Variants in TAF15 observed in about 807,000 individuals in gnomAD.
The protein encoded by TAF15 is TATA-box binding protein associated factor 15, also known as TATA-binding protein-associated factor 2N.
In TAF15, 37 loss-of-function variants were observed where a neutral mutation model predicts 102.5. The observed-to-expected ratio is 0.36, with a 90% CI of 0.28 to 0.47. The LOEUF (loss-of-function observed/expected upper bound fraction) is 0.47. TAF15 is among the 20% of genes least tolerant of loss of function. TAF15 has a pLI of 0.99. For missense variants in TAF15, 652 were observed against 760.7 expected (o/e 0.86, Z 1.68); for synonymous variants, 273 against 259.2 (o/e 1.05, Z -0.51).
chr17:35,839,273 C>A (rs2087512099), intron 11 of TAF15, among the ~76,000 whole-genome samples: 1 of 148,102 alleles, frequency 6.8e-6, no homozygotes, highest in South Asian at 2.1e-4. Flanking sequence ...AGAGCGAGAA[C>A]CTGTCTCCAA....
chr17:35,821,160 T>C (rs1259545912), intron 5 of TAF15, among the ~76,000 whole-genome samples: 1 of 152,200 alleles, frequency 6.6e-6, no homozygotes, highest in Non-Finnish European at 1.5e-5. Context: ...AGTGTTTTCT[T>C]TCTACAGTGA....
At chr17:35,842,055 C>G (rs1401640280) in intron 11 of TAF15, among the ~76,000 whole-genome samples, 1 of 152,164 alleles carries the variant, frequency 6.6e-6, no homozygotes, top group Admixed American at 6.5e-5. Flanking sequence ...CTCCTGGACT[C>G]AAGTGATCTC....
At position 35,836,136 on chromosome 17, in the gene TAF15, A is replaced by G. The variant is rs112635972; in HGVS notation, c.678A>G (p.Ser226=). The change falls in exon 10 of 16, where the codon TCA becomes TCG. Residue 226 remains serine, a synonymous_variant. Coordinates refer to ENST00000605844, the MANE Select transcript of TAF15 (RefSeq NM_139215.3). ...CCATCACTTTTTTTCTCTTAGATTCAGAATCTGATAATTCAGATAACAACA... is the reference window on the plus strand; with the variant it reads ...CCATCACTTTTTTTCTCTTAGATTCGGAATCTGATAATTCAGATAACAACA... ...RDYGPRTDAD[S]ESDNSDNNTI... 1.9e-6 allele frequency: 3 copies of G among 1,608,306 alleles called. No individual in the cohort carries two copies. In the African/African-American group the frequency reaches 4.0e-5, roughly 21 times the overall value.
chr17:35,812,534 G>A (rs920732262), intron 1 of TAF15, among the ~76,000 whole-genome samples: 11 of 142,300 alleles, frequency 7.7e-5, no homozygotes, highest in Non-Finnish European at 1.6e-4. Flanking sequence ...GTGGTGAGCC[G>A]AGATTGCGCC....
chr17:35,810,821 T>C (rs1042005131), intron 1 of TAF15: 4 of 152,222 alleles, frequency 2.6e-5, no homozygotes, highest in African/African-American at 7.2e-5. Context: ...ATGCTATACA[T>C]TACTTAGATT....
At chr17:35,831,883 C>T (rs2087411054) in intron 7 of TAF15, among the ~76,000 whole-genome samples, 1 of 151,970 alleles carries the variant, frequency 6.6e-6, no homozygotes, top group Non-Finnish European at 1.5e-5. Context: ...GAGATCGAGA[C>T]CATCCTGGCC....
At chr17:35,835,536 G>A (rs1001235666) in intron 9 of TAF15, among the ~76,000 whole-genome samples, 34 of 152,274 alleles carry the variant, frequency 2.2e-4, no homozygotes, top group South Asian at 6.2e-4. Context: ...TATGTGGATG[G>A]CAATTTCTGA....
Position 35,822,783 on chromosome 17 carries a change from A to C in TAF15, c.434A>C (p.Asn145Thr), listed in dbSNP as rs1214182865. Residue 145 changes from asparagine (N) to threonine (T), a missense_variant, in exon 6 of 16, where the codon AAC becomes ACC. Asn to Thr is a moderately conservative substitution (Grantham distance 65, BLOSUM62 0). Transcript: ENST00000605844. ...YDQQHDSYSQ[N>T]QQSYHSQREN... ...CAGCAGCATGATTCCTATAGTCAAAACCAGCAGTCCTATCATTCACAAAGG... is the reference window on the plus strand; with the variant it reads ...CAGCAGCATGATTCCTATAGTCAAACCCAGCAGTCCTATCATTCACAAAGG... 2 of 1,614,192 alleles carry C rather than the reference A, an allele frequency of 1.2e-6. No homozygotes were observed. Among genetic ancestry groups the C allele is most frequent in the Non-Finnish European group, 1.7e-6 (2 of 1,180,026 alleles).
intron 6 of TAF15, 51 bp downstream of exon 6, chr17:35,822,884 G>A (rs763098339): frequency 1.9e-6 from 3 of 1,600,154 alleles, no homozygotes; most frequent in Non-Finnish European, 2.6e-6. Context: ...AGAATTATTT[G>A]TATGAATTTC....
intron 6 of TAF15, 32 bp from the exon 7 acceptor site, chr17:35,824,046 G>A: frequency 1.2e-6 from 2 of 1,613,954 alleles, no homozygotes; most frequent in Non-Finnish European, 1.7e-6. Flanking sequence ...AATGAGAGTG[G>A]TTATTTGTGT....
At chr17:35,825,953 CA>C (rs5820126) in intron 7 of TAF15, among the ~76,000 whole-genome samples, 24,229 of 141,486 alleles carry the variant, frequency 0.17, 2,161 homozygotes, top group East Asian at 0.34. Flanking sequence ...GACTTCGTCT[CA>C]AAAAAAAAAA....
In TAF15 at chr17:35,844,798, G is replaced by A; in HGVS notation, c.1499G>A (p.Gly500Asp). The change falls in exon 15 of 16, where the codon GGC becomes GAC. Residue 500 changes from glycine (G) to aspartate (D), a missense_variant. By Grantham distance (94) the Gly-to-Asp change is moderately conservative (BLOSUM62 -1). Transcript: ENST00000605844. ...RGGGYGGDRG[G>D]YGGDRGGYGG... is the part of the protein sequence containing the mutation. ...GGAGGCTATGGTGGAGACCGAGGAG[G>A]CTATGGAGGAGATCGAGGAGGTTAC... 1.2e-6 allele frequency: 2 copies of A among 1,602,708 alleles called. No homozygotes were observed. Among genetic ancestry groups the A allele is most frequent in the South Asian group, 2.2e-5 (2 of 90,716 alleles).
chr17:35,809,852 T>G lies in TAF15; in HGVS notation c.7+276T>G, dbSNP rs2087104334. The G allele has an allele frequency of 5.2e-6, 3 of 580,954 alleles. No individual in the cohort carries two copies. The African/African-American group carries it at 5.7e-5, about 11-fold the overall frequency. 36.0% of individuals were successfully genotyped at this position (580,954 alleles called of 1,614,324 possible). ...GACTTGCCGTTCCCGGGGGAGGGTG[T>G]GTGTGAGTCGGGGGGCGGAGGCCGT... is the stretch of plus-strand genomic sequence containing the variant. On this transcript the variant is annotated intron_variant, in intron 1 of 15. Transcript: ENST00000605844.
rs1207658000 is a variant in TAF15, at chr17:35,839,270, G to A, written c.913+717G>A. The stretch of plus-strand genomic sequence containing the variant: ...TGTTCCAGCCTGGGCAACAGAGCGA[G>A]AACCTGTCTCCAAAAAAAAAAACCC... On this transcript the variant is annotated intron_variant, in intron 11 of 15. Transcript: ENST00000605844. Among the ~76,000 whole-genome samples the A allele has an allele frequency of 2.9e-5, 4 of 137,896 alleles. No individual in the cohort carries two copies. In the Admixed American group the frequency reaches 3.1e-4, roughly 11 times the overall value. 90.5% of individuals were successfully genotyped at this position (137,896 alleles called of 152,430 possible).
At chr17:35,809,611 G>C in intron 1 of TAF15, 35 bp downstream of exon 1, 1 of 1,613,080 alleles carries the variant, frequency 6.2e-7, no homozygotes, top group Non-Finnish European at 8.5e-7. Context: ...CGGCAGCGAC[G>C]AGAAGGTCCT....
chr17:35,842,186 AT>A (rs1348918888), intron 11 of TAF15, among the ~76,000 whole-genome samples, 180 bp from the exon 12 acceptor site: 4 of 151,922 alleles, frequency 2.6e-5, no homozygotes, highest in African/African-American at 9.7e-5. Flanking sequence ...AGTGACAGAT[AT>A]GCTCTTTTCA....
At chr17:35,834,041 G>A (rs1203928885) in intron 8 of TAF15, 100 bp downstream of exon 8, 6 of 1,226,372 alleles carry the variant, frequency 4.9e-6, no homozygotes, top group Non-Finnish European at 6.0e-6. Context: ...TTCTTACTCT[G>A]TTGAGGCTGG....
intron 6 of TAF15, chr17:35,823,769 G>A: frequency 3.0e-6 from 1 of 335,786 alleles, no homozygotes. Flanking sequence ...TAAGGTTCTT[G>A]TAGCTAAGAT....
intron 11 of TAF15, among the ~76,000 whole-genome samples, chr17:35,841,715 G>T (rs74398752): frequency 0.25 from 22,985 of 92,270 alleles, 1,906 homozygotes; most frequent in East Asian, 0.42. Flanking sequence ...TTTTTTTTTT[G>T]GAGAGAGAGT....
Sources: allele counts gnomAD v4.1 joint callset (sites outside exome capture counted in the v4.1 genomes callset), GRCh38; gene constraint gnomAD v4.1.1; transcripts MANE v1.5; gene names NCBI Gene and HGNC (gene_info 2026-07-23, HGNC 2026-07-21).